Variants in SLC24A4 observed in about 807,000 individuals in gnomAD.
SLC24A4 encodes the protein sodium/potassium/calcium exchanger 4.
In SLC24A4, 53 loss-of-function variants were observed where a neutral mutation model predicts 79.0. The ratio of observed to expected loss-of-function variants is 0.67; its 90% confidence interval spans 0.54 to 0.84. The LOEUF is 0.84. Among genes scored for constraint, SLC24A4 ranks in the 40% least tolerant of loss-of-function variants. SLC24A4 has a pLI of 0.00. For missense variants in SLC24A4, 731 were observed against 822.0 expected, an observed-to-expected ratio of 0.89 and a Z score of 1.35; for synonymous variants, 323 against 323.8, an observed-to-expected ratio of 1.00 and a Z score of 0.03.
intron 12 of SLC24A4, among the ~76,000 whole-genome samples, chr14:92,457,025 G>A (rs1369571788): frequency 6.6e-6 from 1 of 152,190 alleles, no homozygotes; most frequent in South Asian, 2.1e-4. Flanking sequence ...TTTATTTGCT[G>A]GGACAGGAGA....
intron 2 of SLC24A4, among the ~76,000 whole-genome samples, chr14:92,417,618 C>CA (rs543291061): frequency 1.3e-5 from 2 of 152,234 alleles, no homozygotes; most frequent in South Asian, 4.1e-4. Flanking sequence ...ACCACGCACT[C>CA]ACTTGCTCAC....
intron 2 of SLC24A4, among the ~76,000 whole-genome samples, chr14:92,328,098 G>A (rs770698784): frequency 2.6e-5 from 4 of 152,098 alleles, no homozygotes; most frequent in Non-Finnish European, 4.4e-5. Flanking sequence ...GGGTCACCTG[G>A]ATCCAGGTGC....
chr14:92,337,255 C>A (rs1195585245), intron 2 of SLC24A4, among the ~76,000 whole-genome samples: 1 of 152,160 alleles, frequency 6.6e-6, no homozygotes, highest in African/African-American at 2.4e-5. Flanking sequence ...TAGCTCATGG[C>A]AGATTGCGAT....
chr14:92,343,645 TTTCC>T (rs1555360297), intron 2 of SLC24A4, among the ~76,000 whole-genome samples: 1 of 55,226 alleles, frequency 1.8e-5, no homozygotes, highest in Non-Finnish European at 4.3e-5. Context: ...TCTTTCTCTC[TTTCC>T]TTCTTTCCTT....
intron 10 of SLC24A4, among the ~76,000 whole-genome samples, chr14:92,450,006 C>T (rs1161714249): frequency 2.6e-5 from 4 of 152,228 alleles, no homozygotes; most frequent in Admixed American, 2.6e-4. Flanking sequence ...AAGGAGAGAG[C>T]GTTCACTCTA....
At chr14:92,464,122 G>GA (rs1254482981) in intron 12 of SLC24A4, among the ~76,000 whole-genome samples, 1 of 152,164 alleles carries the variant, frequency 6.6e-6, no homozygotes, top group African/African-American at 2.4e-5. Context: ...GAGCATCGTA[G>GA]AAAAGAAAAC....
At chr14:92,443,355 C>T (rs981286529) in intron 6 of SLC24A4, 45 bp from the exon 7 acceptor site, 9 of 1,602,296 alleles carry the variant, frequency 5.6e-6, no homozygotes, top group South Asian at 2.2e-5. Context: ...CACCCCCTCC[C>T]CGCTTCTGCG....
intron 1 of SLC24A4, among the ~76,000 whole-genome samples, chr14:92,324,690 C>A (rs1355570133): frequency 1.3e-5 from 2 of 152,206 alleles, no homozygotes; most frequent in Non-Finnish European, 2.9e-5. Context: ...ATTCACTTCC[C>A]TAACTCAGGA....
intron 2 of SLC24A4, among the ~76,000 whole-genome samples, chr14:92,414,958 G>C (rs1053986346): frequency 2.6e-5 from 4 of 152,202 alleles, no homozygotes; most frequent in African/African-American, 9.7e-5. Flanking sequence ...TTGTGTCGCT[G>C]TGAGGCCCTT....
chr14:92,495,583 G>A lies in SLC24A4; in HGVS notation c.*1955G>A, dbSNP rs1895895816. ...TTCTCCTGGTTCCTCCGATCTTACA[G>A]GCTCATCCAGGTTCCAAAGTGCTTC... is the stretch of plus-strand genomic sequence containing the variant. On this transcript the variant is annotated 3_prime_UTR_variant, in exon 17 of 17. Coordinates refer to ENST00000532405, the MANE Select transcript of SLC24A4 (RefSeq NM_153646.4). 6.6e-6 allele frequency: 1 copy of A among 152,192 alleles called. No homozygotes were observed. Among genetic ancestry groups the A allele is most frequent in the African/African-American group, 2.4e-5 (1 of 41,424 alleles). 9.4% of individuals were successfully genotyped at this position (152,192 alleles called of 1,614,324 possible).
chr14:92,481,935 A>T (rs369270061), intron 12 of SLC24A4, among the ~76,000 whole-genome samples: 6 of 152,202 alleles, frequency 3.9e-5, no homozygotes, highest in East Asian at 1.9e-4. Flanking sequence ...TCAATGGCTT[A>T]TGAGGCCTCT....
At chr14:92,473,264 A>T (rs1894533907) in intron 12 of SLC24A4, among the ~76,000 whole-genome samples, 1 of 152,182 alleles carries the variant, frequency 6.6e-6, no homozygotes, top group African/African-American at 2.4e-5. Context: ...TATTGCTAGG[A>T]CTCAGAAATC....
At chr14:92,479,954 G>A (rs921235427) in intron 12 of SLC24A4, among the ~76,000 whole-genome samples, 1 of 152,084 alleles carries the variant, frequency 6.6e-6, no homozygotes, top group African/African-American at 2.4e-5. Context: ...AATTTTGTCT[G>A]TTAGGATTCT....
intron 12 of SLC24A4, among the ~76,000 whole-genome samples, chr14:92,478,782 A>C (rs1894907825): frequency 6.6e-6 from 1 of 152,076 alleles, no homozygotes. Flanking sequence ...ATGTATACGT[A>C]AGTTTGGGGA....
intron 2 of SLC24A4, among the ~76,000 whole-genome samples, chr14:92,360,707 A>G (rs906958511): frequency 6.6e-6 from 1 of 152,174 alleles, no homozygotes; most frequent in African/African-American, 2.4e-5. Flanking sequence ...TAATTGCACA[A>G]AGAAGAGAGG....
intron 2 of SLC24A4, among the ~76,000 whole-genome samples, chr14:92,410,168 C>T (rs1413182313): frequency 6.6e-6 from 1 of 152,034 alleles, no homozygotes; most frequent in Non-Finnish European, 1.5e-5. Flanking sequence ...TCACACATAC[C>T]CCCAAACCTA....
At chr14:92,480,929 T>C (rs1266269172) in intron 12 of SLC24A4, among the ~76,000 whole-genome samples, 1 of 152,194 alleles carries the variant, frequency 6.6e-6, no homozygotes, top group Non-Finnish European at 1.5e-5. Context: ...GTAAAATTCA[T>C]ATTCTTTGTT....
chr14:92,386,225 A>G (rs918204396), intron 2 of SLC24A4, among the ~76,000 whole-genome samples: 5 of 152,088 alleles, frequency 3.3e-5, no homozygotes, highest in African/African-American at 1.2e-4. Flanking sequence ...AGTTTGTGGC[A>G]TAGAATATTG....
chr14:92,492,871 C>T (rs527927630), intron 16 of SLC24A4: 2 of 455,022 alleles, frequency 4.4e-6, no homozygotes, highest in African/African-American at 2.0e-5. Context: ...AAGCCTTGAT[C>T]GAGGGACAAG....
Sources: allele counts gnomAD v4.1 joint callset (sites outside exome capture counted in the v4.1 genomes callset), GRCh38; gene constraint gnomAD v4.1.1; transcripts MANE v1.5; gene names NCBI Gene and HGNC (gene_info 2026-07-23, HGNC 2026-07-21).